CKAP5: variants seen among roughly 807,000 people sequenced by gnomAD.
CKAP5 encodes the protein cytoskeleton associated protein 5.
A neutral mutation model predicts 232.8 loss-of-function variants in CKAP5; 27 were observed. That is an observed-to-expected ratio of 0.12 (90% confidence interval 0.09 to 0.16). The LOEUF is 0.16. CKAP5 is among the 10% of genes least tolerant of loss of function. The pLI, the probability that CKAP5 is intolerant of heterozygous loss-of-function variation, is 1.00. For missense variants in CKAP5, 1,838 were observed against 2,424.7 expected (o/e 0.76, Z 5.08); for synonymous variants, 785 against 841.1 (o/e 0.93, Z 1.16).
At chr11:46,787,004 A>C (rs745770224) in intron 16 of CKAP5, among the ~76,000 whole-genome samples, 4 of 152,286 alleles carry the variant, frequency 2.6e-5, no homozygotes, top group Middle Eastern at 6.8e-3. Flanking sequence ...AATTTGAGAA[A>C]AAAATTAGCA....
Position 46,773,809 on chromosome 11 carries a change from C to G in CKAP5, c.2991+2446G>C, listed in dbSNP as rs147887157. Among the ~76,000 whole-genome samples the G allele has an allele frequency of 5.7e-3, 862 of 152,250 alleles. 5 individuals carry two copies. The highest frequency in any genetic ancestry group is 0.01 in the Admixed American group (154 of 15,286). Reference sequence around the variant, plus strand: ...TCTGCTTGCTCGGCCTCCCAAAGTGCTGGGATTACAGGCATGAGTCACTGC... The same window carrying G: ...TCTGCTTGCTCGGCCTCCCAAAGTGGTGGGATTACAGGCATGAGTCACTGC... On this transcript the variant is annotated intron_variant, in intron 24 of 43. Coordinates refer to ENST00000529230, the MANE Select transcript of CKAP5 (RefSeq NM_001008938.4).
chr11:46,841,271 A>C (rs866657268), intron 1 of CKAP5, among the ~76,000 whole-genome samples: 14 of 151,952 alleles, frequency 9.2e-5, no homozygotes, highest in African/African-American at 3.1e-4. Flanking sequence ...CTGTCTCAAA[A>C]AAAAAAAAAA....
At chr11:46,820,026 C>A (rs1230149005) in intron 2 of CKAP5, among the ~76,000 whole-genome samples, 3 of 151,966 alleles carry the variant, frequency 2.0e-5, no homozygotes, top group Non-Finnish European at 4.4e-5. Flanking sequence ...CCAAATCACA[C>A]GAGATTGAAA....
At chr11:46,781,882 A>AAT (rs2065345313) in intron 18 of CKAP5, among the ~76,000 whole-genome samples, 1 of 152,164 alleles carries the variant, frequency 6.6e-6, no homozygotes, top group Non-Finnish European at 1.5e-5. Flanking sequence ...CTGGAGAGCA[A>AAT]TGGCATGATC....
intron 25 of CKAP5, among the ~76,000 whole-genome samples, chr11:46,770,535 G>A (rs1376399097): frequency 1.3e-5 from 2 of 152,116 alleles, no homozygotes; most frequent in East Asian, 1.9e-4. Context: ...GGGTTCATGC[G>A]ATTCTCCTGC....
At chr11:46,821,346 T>A in intron 1 of CKAP5, 78 bp from the exon 2 acceptor site, 1 of 647,258 alleles carries the variant, frequency 1.5e-6, no homozygotes, top group Non-Finnish European at 2.7e-6. Flanking sequence ...GAGATTATTA[T>A]TTTATCATTC....
Position 46,807,105 on chromosome 11 carries a change from G to A in CKAP5, c.978+926C>T, listed in dbSNP as rs75788798. Among the ~76,000 whole-genome samples, 315 of 152,280 alleles carry A rather than the reference G, an allele frequency of 2.1e-3. 1 individual carries two copies. Among genetic ancestry groups the A allele is most frequent in the African/African-American group, 6.9e-3 (285 of 41,562 alleles). On this transcript the variant is annotated intron_variant, in intron 8 of 43. Coordinates refer to ENST00000529230, the MANE Select transcript of CKAP5 (RefSeq NM_001008938.4). The stretch of plus-strand genomic sequence containing the variant: ...GCTTCAATCAGGCAAGAGTTACAGT[G>A]TTGTCGGCCAAGAGTTCAATGTTAA...
intron 8 of CKAP5, among the ~76,000 whole-genome samples, chr11:46,803,898 T>C (rs1001473144): frequency 2.6e-5 from 4 of 152,238 alleles, no homozygotes; most frequent in African/African-American, 9.6e-5. Context: ...CAGATATGAT[T>C]TAGATGCTAG....
At chr11:46,830,114 G>A (rs1352735967) in intron 1 of CKAP5, among the ~76,000 whole-genome samples, 1 of 151,974 alleles carries the variant, frequency 6.6e-6, no homozygotes, top group African/African-American at 2.4e-5. Context: ...TGACCCAATG[G>A]AGAAAGTGAT....
chr11:46,810,014 C>G, intron 5 of CKAP5, 140 bp from the exon 6 acceptor site: 1 of 803,990 alleles, frequency 1.2e-6, no homozygotes, highest in African/African-American at 1.8e-5. Context: ...CTCTGTCACC[C>G]AGGCTGAAGT....
intron 26 of CKAP5, among the ~76,000 whole-genome samples, chr11:46,768,367 C>CT (rs10711197): frequency 0.012 from 1,572 of 136,650 alleles, 16 homozygotes; most frequent in African/African-American, 0.033. Flanking sequence ...ATTAAAACAA[C>CT]TTTTTTTTTT....
rs765442145 is a variant in CKAP5 at position 46,778,309 on chromosome 11, T to C, written c.2578A>G (p.Lys860Glu). Reference protein sequence around the residue: ...DLLPRTEISDKITSELVSKIG... With the variant: ...DLLPRTEISDEITSELVSKIG... ...TTAGATACCAACTCTGAAGTGATTT[T>C]ATCACTGAAAAACAGAAAATAACCT... The change falls in exon 22 of 44, where the codon AAA (lysine) becomes GAA (glutamate). Residue 860 changes from lysine (K) to glutamate (E), a missense_variant. Around this residue, in one of 6 missense-constraint regions of CKAP5, gnomAD observed 767 missense variants for 954.6 expected, o/e 0.80. Transcript: ENST00000529230. The C allele has an allele frequency of 5.0e-6, 8 of 1,611,332 alleles. No homozygotes were observed. The highest frequency in any genetic ancestry group is 3.4e-5 in the Admixed American group (2 of 59,510).
Position 46,790,505 on chromosome 11 carries a change from G to T in CKAP5, c.1729C>A (p.Leu577Met). The T allele has an allele frequency of 1.2e-6, 2 of 1,613,930 alleles. No homozygotes were observed. The highest frequency in any genetic ancestry group is 1.7e-6 in the Non-Finnish European group (2 of 1,179,882). The change falls in exon 14 of 44, where the codon CTG becomes ATG. Residue 577 changes from leucine (L) to methionine (M), a missense_variant. Physicochemically the swap from Leu to Met is conservative, Grantham distance 15 (BLOSUM62 2). Transcript: ENST00000529230. ...GGCTCCACTATTTCTTTAGTCTCCAGTCCTTTCTTGTTCTTGGTTCCAGTA... is the reference window on the plus strand; with the variant it reads ...GGCTCCACTATTTCTTTAGTCTCCATTCCTTTCTTGTTCTTGGTTCCAGTA... ...GNTGTKNKKG[L>M]ETKEIVEPEL...
Position 46,816,284 on chromosome 11 carries a change from A to T in CKAP5, c.372T>A (p.Ala124=). Residue 124 remains alanine, a synonymous_variant, in exon 4 of 44, where the codon GCT becomes GCA. Transcript: ENST00000529230. The part of the protein sequence containing the change: ...LMYIEIEKGE[A]VQEELLKGLD... Reference sequence around the variant, plus strand: ...AGCCTTTCAGGAGCTCTTCTTGAACAGCCTCTCCTTTCTCAATCTCTATGT... The same window carrying T: ...AGCCTTTCAGGAGCTCTTCTTGAACTGCCTCTCCTTTCTCAATCTCTATGT... 1 of 1,614,130 alleles carries T rather than the reference A, an allele frequency of 6.2e-7. No individual in the cohort carries two copies. Among genetic ancestry groups the T allele is most frequent in the Non-Finnish European group, 8.5e-7 (1 of 1,179,996 alleles).
chr11:46,784,344 C>CA lies in CKAP5; in HGVS notation c.2154+143dup. The CA allele has an allele frequency of 7.5e-6, 5 of 670,614 alleles. No homozygotes were observed. In the Admixed American group the frequency reaches 1.1e-4, roughly 14 times the overall value. 41.5% of individuals were successfully genotyped at this position (670,614 alleles called of 1,614,324 possible). On this transcript the variant is annotated intron_variant, in intron 17 of 43. Transcript: ENST00000529230. ...CACCATTGCATTCCAGCCTGGGCGA[C>CA]AGAGTGAAACTCCATCTCAAAAAAA...
Position 46,773,596 on chromosome 11 carries a change from A to G in CKAP5, c.2992-2614T>C, listed in dbSNP as rs185890626. 2.8e-3 allele frequency among the ~76,000 whole-genome samples: 413 copies of G among 147,900 alleles called. 2 individuals carry two copies. Among genetic ancestry groups the G allele is most frequent in the African/African-American group, 9.8e-3 (391 of 39,884 alleles). On this transcript the variant is annotated intron_variant, in intron 24 of 43. Coordinates refer to ENST00000529230, the MANE Select transcript of CKAP5 (RefSeq NM_001008938.4). ...CTTGCTCTGTTACCCAGGCTGGAGT[A>G]CAGTGGTGTGATCTCAGCTCACTGC... is the stretch of plus-strand genomic sequence containing the variant.
At chr11:46,839,602 C>T (rs1449064885) in intron 1 of CKAP5, among the ~76,000 whole-genome samples, 1 of 152,138 alleles carries the variant, frequency 6.6e-6, no homozygotes, top group African/African-American at 2.4e-5. Flanking sequence ...TATTTCATCA[C>T]ATCTCCGATA....
At chr11:46,766,198 T>C (rs980858074) in intron 27 of CKAP5, among the ~76,000 whole-genome samples, 4 of 152,244 alleles carry the variant, frequency 2.6e-5, no homozygotes, top group African/African-American at 9.6e-5. Flanking sequence ...CCACAATTTC[T>C]TTCTAGTATA....
intron 27 of CKAP5, among the ~76,000 whole-genome samples, 200 bp from the exon 28 acceptor site, chr11:46,765,456 GTA>G (rs2065194761): frequency 6.6e-6 from 1 of 152,170 alleles, no homozygotes; most frequent in Admixed American, 6.5e-5. Flanking sequence ...ATATTCTTAA[GTA>G]ACTGTTGGTT....
Sources: gnomAD v4.1 joint callset for allele counts (sites outside exome capture counted in the v4.1 genomes callset) on GRCh38, gnomAD v4.1.1 for gene constraint, gnomAD v4.1.1 regional missense constraint, MANE v1.5 for transcripts, NCBI Gene and HGNC (gene_info 2026-07-23, HGNC 2026-07-21) for gene names.